Variants in HEATR5B observed in about 807,000 individuals in gnomAD.
HEATR5B encodes the protein HEAT repeat-containing protein 5B.
Under a neutral mutation model 224.1 loss-of-function variants are expected in HEATR5B, and 156 were observed. The ratio of observed to expected loss-of-function variants is 0.70; its 90% CI spans 0.61 to 0.80. The LOEUF (loss-of-function observed/expected upper bound fraction) is 0.80, where lower values mean the gene tolerates loss of function less well. Among genes scored for constraint, HEATR5B ranks in the 30% least tolerant of loss-of-function variants. HEATR5B has a pLI of 0.00. For missense variants in HEATR5B, 2,323 were observed against 2,535.5 expected (o/e 0.92, Z 1.80); for synonymous variants, 1,027 against 893.0 (o/e 1.15, Z -2.68).
chr2:37,068,797 C>T lies in HEATR5B; in HGVS notation c.1061G>A (p.Arg354Lys). Residue 354 changes from arginine to lysine, a missense_variant, in exon 8 of 36, where the codon AGA becomes AAA. Transcript: ENST00000233099. ...TCTTAGGATAAAGGAAACACATCGT[C>T]TGGAGTACACAGCCTCCACATGTGT... ...TQTHVEAVYS[R>K]RCVSFILRAT... 1 of 1,614,144 alleles carries T rather than the reference C, an allele frequency of 6.2e-7. No homozygotes were observed. Among genetic ancestry groups the T allele is most frequent in the Non-Finnish European group, 8.5e-7 (1 of 1,180,024 alleles).
chr2:36,988,124 G>A (rs1009496449), intron 35 of HEATR5B, among the ~76,000 whole-genome samples: 1 of 151,684 alleles, frequency 6.6e-6, no homozygotes, highest in Non-Finnish European at 1.5e-5. Flanking sequence ...AGATCTTAAG[G>A]GATGCATACA....
rs1671729060 is a variant in HEATR5B at position 37,068,715 on chromosome 2, G to C, written c.1143C>G (p.Ile381Met). The C allele has an allele frequency of 3.7e-6, 6 of 1,614,156 alleles. No homozygotes were observed. The highest frequency in any genetic ancestry group is 4.2e-6 in the Non-Finnish European group (5 of 1,180,016). Reference protein sequence around the residue: ...EKAQIAAAKEICQAIGKQMKA... With the variant: ...EKAQIAAAKEMCQAIGKQMKA... ...TCATTTGTTTTCCAATAGCTTGGCA[G>C]ATTTCTTTGGCAGCTGCAATCTGGG... is the stretch of plus-strand genomic sequence containing the variant. The change falls in exon 8 of 36, where the codon ATC (isoleucine) becomes ATG (methionine). Residue 381 changes from isoleucine (I) to methionine (M), a missense_variant. This residue lies in a region of HEATR5B where 502 missense variants were observed against 517.8 expected (regional missense o/e 0.97). Transcript: ENST00000233099.
intron 33 of HEATR5B, among the ~76,000 whole-genome samples, chr2:36,995,197 C>T (rs565844573): frequency 6.9e-6 from 1 of 145,886 alleles, no homozygotes; most frequent in South Asian, 2.2e-4. Flanking sequence ...TCAAGCAATT[C>T]TCCTGCTTTA....
chr2:37,076,654 GA>G (rs11464053), intron 4 of HEATR5B, among the ~76,000 whole-genome samples: 3,894 of 144,086 alleles, frequency 0.027, 67 homozygotes, highest in Middle Eastern at 0.036. Flanking sequence ...CCAAAAAAAA[GA>G]AAAAAAAAAA....
chr2:37,060,164 G>T (rs865815675), intron 12 of HEATR5B, among the ~76,000 whole-genome samples: 1 of 152,184 alleles, frequency 6.6e-6, no homozygotes, highest in Non-Finnish European at 1.5e-5. Flanking sequence ...TGATAAGGAT[G>T]TGAAAAAACA....
chr2:37,067,628 G>T (rs1047391738), intron 8 of HEATR5B, among the ~76,000 whole-genome samples: 1 of 152,066 alleles, frequency 6.6e-6, no homozygotes, highest in African/African-American at 2.4e-5. Context: ...AATTAGCAGG[G>T]TGTGTGGTGG....
In HEATR5B at chr2:37,058,916, T is replaced by G. The variant is rs745929696; in HGVS notation, c.1921A>C (p.Ile641Leu). 24 of 1,609,672 alleles carry G rather than the reference T, an allele frequency of 1.5e-5. No individual in the cohort carries two copies. Among genetic ancestry groups the G allele is most frequent in the African/African-American group, 2.7e-5 (2 of 74,812 alleles). Residue 641 changes from isoleucine (I) to leucine (L), a missense_variant, in exon 13 of 36, where the codon ATT (isoleucine) becomes CTT (leucine). Transcript: ENST00000233099. The stretch of plus-strand genomic sequence containing the variant: ...GACATCATAGTCATGGCACATTCAA[T>G]AGGGGTCATCAATTTTCGAATCACA... The part of the protein sequence containing the change: ...EDVIRKLMTP[I>L]ECAMTMMSHI...
At chr2:37,054,122 T>C (rs867901974) in intron 16 of HEATR5B, among the ~76,000 whole-genome samples, 1 of 151,802 alleles carries the variant, frequency 6.6e-6, no homozygotes, top group East Asian at 1.9e-4. Context: ...GTGAATTGTT[T>C]TTTATATTAA....
At chr2:36,996,865 T>C (rs948163236) in intron 33 of HEATR5B, among the ~76,000 whole-genome samples, 2 of 152,126 alleles carry the variant, frequency 1.3e-5, no homozygotes, top group African/African-American at 4.8e-5. Flanking sequence ...GTGCTGGGAT[T>C]ACAGGAGTGA....
At chr2:37,080,489 T>C (rs1443463914) in intron 2 of HEATR5B, among the ~76,000 whole-genome samples, 2 of 152,194 alleles carry the variant, frequency 1.3e-5, no homozygotes, top group Non-Finnish European at 2.9e-5. Context: ...TAGGATTTGC[T>C]GGTGAATACA....
At chr2:37,019,700 T>C (rs1371554260) in intron 26 of HEATR5B, 109 bp downstream of exon 26, 6 of 694,034 alleles carry the variant, frequency 8.6e-6, no homozygotes. Flanking sequence ...CAAGCGATCC[T>C]CCCATGTTGG....
intron 35 of HEATR5B, among the ~76,000 whole-genome samples, chr2:36,984,200 C>CAAAAAAAAAAAA (rs1208435239): frequency 0.033 from 935 of 28,288 alleles, 16 homozygotes; most frequent in Non-Finnish European, 0.039. Flanking sequence ...AACTCTGTCT[C>CAAAAAAAAAAAA]AAAAAAAAAA....
chr2:37,039,730 A>C lies in HEATR5B; in HGVS notation c.3046+599T>G, dbSNP rs13403500. On this transcript the variant is annotated intron_variant, in intron 20 of 35. Coordinates refer to ENST00000233099, the MANE Select transcript of HEATR5B (RefSeq NM_019024.3). ...TATATATTCAGGATATCTTTACAATAATTTGCTGACTTGGGAGTCTAACCA... is the reference window on the plus strand; with the variant it reads ...TATATATTCAGGATATCTTTACAATCATTTGCTGACTTGGGAGTCTAACCA... 9.0e-3 allele frequency among the ~76,000 whole-genome samples: 1,364 copies of C among 152,296 alleles called. 23 individuals carry two copies. The highest frequency in any genetic ancestry group is 0.031 in the African/African-American group (1,303 of 41,556).
chr2:37,082,733 G>C (rs1350684086), intron 2 of HEATR5B, among the ~76,000 whole-genome samples: 1 of 152,222 alleles, frequency 6.6e-6, no homozygotes, highest in African/African-American at 2.4e-5. Context: ...TGGCTGGCTT[G>C]CTGTTAATAG....
At chr2:37,014,535 TTAACA>T (rs1667993712) in intron 26 of HEATR5B, among the ~76,000 whole-genome samples, 1 of 152,144 alleles carries the variant, frequency 6.6e-6, no homozygotes, top group Non-Finnish European at 1.5e-5. Context: ...TAGTATTTAC[TTAACA>T]TGTTTCCACC....
chr2:37,033,656 C>G (rs1669281822), intron 21 of HEATR5B, among the ~76,000 whole-genome samples: 1 of 152,052 alleles, frequency 6.6e-6, no homozygotes, highest in African/African-American at 2.4e-5. Context: ...GTATAAGATG[C>G]AACATGGCAT....
At position 37,072,192 on chromosome 2, in the gene HEATR5B, G is replaced by A; in HGVS notation, c.687C>T (p.Asn229=). The change falls in exon 6 of 36, where the codon AAC becomes AAT. Residue 229 remains asparagine, a synonymous_variant. Transcript: ENST00000233099. ...IATLCFKALE[N]SNYGVRVAVS... is the part of the protein sequence containing the mutation. ...CTGCCACTCGTACCCCATAATTTGA[G>A]TTTTCCAAAGCCTTAAAGCAGAGAG... 6.2e-7 allele frequency: 1 copy of A among 1,613,956 alleles called. No individual in the cohort carries two copies. Among genetic ancestry groups the A allele is most frequent in the Non-Finnish European group, 8.5e-7 (1 of 1,179,876 alleles).
intron 3 of HEATR5B, among the ~76,000 whole-genome samples, chr2:37,077,351 C>T (rs976740122): frequency 4.6e-5 from 7 of 152,044 alleles, no homozygotes; most frequent in Non-Finnish European, 7.4e-5. Context: ...CTCTGTCACC[C>T]ACGCTGGAGT....
intron 14 of HEATR5B, 58 bp from the exon 15 acceptor site, chr2:37,057,538 C>A (rs1670989425): frequency 1.7e-6 from 2 of 1,195,788 alleles, no homozygotes; most frequent in African/African-American, 1.6e-5. Flanking sequence ...AAATTATAAT[C>A]ATTGCCCACA....
Sources: gnomAD v4.1 joint callset for allele counts (sites outside exome capture counted in the v4.1 genomes callset) on GRCh38, gnomAD v4.1.1 for gene constraint, gnomAD v4.1.1 regional missense constraint, MANE v1.5 for transcripts, NCBI Gene and HGNC (gene_info 2026-07-23, HGNC 2026-07-21) for gene names.